IQUB: variants seen among roughly 807,000 people sequenced by gnomAD.
IQUB encodes IQ motif and ubiquitin-like domain-containing protein.
IQUB carries 86 observed loss-of-function variants against 86.4 expected under a neutral mutation model. That is an observed-to-expected ratio of 1.00 (90% CI 0.84 to 1.19). The LOEUF (loss-of-function observed/expected upper bound fraction) is 1.19. IQUB is among the 50% of genes most tolerant of loss of function. IQUB has a pLI of 0.00. For missense variants in IQUB, 946 were observed against 916.9 expected, an observed-to-expected ratio of 1.03 and a Z score of -0.41; for synonymous variants, 289 against 304.5, an observed-to-expected ratio of 0.95 and a Z score of 0.53.
At chr7:123,483,950 GTC>G (rs945269064) in intron 7 of IQUB, among the ~76,000 whole-genome samples, 2 of 151,974 alleles carry the variant, frequency 1.3e-5, no homozygotes, top group African/African-American at 4.8e-5. Context: ...TTTAAAATCA[GTC>G]TCTATGCATT....
intron 8 of IQUB, among the ~76,000 whole-genome samples, chr7:123,473,677 G>T (rs1022811470): frequency 6.6e-6 from 1 of 151,744 alleles, no homozygotes; most frequent in Non-Finnish European, 1.5e-5. Flanking sequence ...CCGGGTTCAA[G>T]TGATTCTCCT....
chr7:123,494,690 A>T (rs769997595), intron 7 of IQUB, among the ~76,000 whole-genome samples: 5 of 152,146 alleles, frequency 3.3e-5, no homozygotes, highest in Non-Finnish European at 2.9e-5. Flanking sequence ...AATAGCTCGC[A>T]TATGTATAGG....
chr7:123,503,006 C>A lies in IQUB; in HGVS notation c.805G>T (p.Gly269Ter). Residue 269 changes from glycine to a stop codon, truncating the protein, a stop_gained, in exon 5 of 13, where the codon GGA becomes TGA. Transcript: ENST00000324698. LOFTEE classifies it high-confidence loss of function. Reference protein sequence around the residue: ...KVTGVEYHNAGTQTVPKRIPE... With the variant: ...KVTGVEYHNA Reference sequence around the variant, plus strand: ...ATCCTTTTAGGTACAGTTTGTGTTCCAGCATTGTGATACTCTACTCCTGTT... The same window carrying A: ...ATCCTTTTAGGTACAGTTTGTGTTCAAGCATTGTGATACTCTACTCCTGTT... The A allele has an allele frequency of 6.2e-7, 1 of 1,612,938 alleles. No homozygotes were observed. Among genetic ancestry groups the A allele is most frequent in the Non-Finnish European group, 8.5e-7 (1 of 1,179,462 alleles).
At chr7:123,463,201 T>A (rs1794084584) in intron 10 of IQUB, among the ~76,000 whole-genome samples, 1 of 151,730 alleles carries the variant, frequency 6.6e-6, no homozygotes, top group African/African-American at 2.4e-5. Context: ...AAATGCAACA[T>A]GGTGCAGTCA....
intron 7 of IQUB, among the ~76,000 whole-genome samples, chr7:123,491,463 G>A (rs1409691388): frequency 6.6e-6 from 1 of 152,088 alleles, no homozygotes; most frequent in Admixed American, 6.6e-5. Flanking sequence ...AGGAAAAAAA[G>A]AAGGAAACAC....
In IQUB at chr7:123,482,017, G is replaced by A. The variant is rs1002805802; in HGVS notation, c.1235-2047C>T. On this transcript the variant is annotated intron_variant, in intron 7 of 12. Coordinates refer to ENST00000324698, the MANE Select transcript of IQUB (RefSeq NM_178827.5). Reference sequence around the variant, plus strand: ...GTGACACGAAAGGTGAAATTTAAACGGTTAGCAGATATGAACAAAAAAGAA... The same window carrying A: ...GTGACACGAAAGGTGAAATTTAAACAGTTAGCAGATATGAACAAAAAAGAA... 6.6e-5 allele frequency among the ~76,000 whole-genome samples: 10 copies of A among 151,560 alleles called. No individual in the cohort carries two copies. In the East Asian group the frequency reaches 1.6e-3, roughly 24 times the overall value.
rs185169799 is a variant in IQUB at position 123,533,412 on chromosome 7, T to C, written c.-5+1080A>G. On this transcript the variant is annotated intron_variant, in intron 1 of 12. Coordinates refer to ENST00000324698, the MANE Select transcript of IQUB (RefSeq NM_178827.5). The stretch of plus-strand genomic sequence containing the variant: ...TTACATCCTCATATTGTTTTATGAG[T>C]CCTAATAATTAAATATCCCTTTGTT... Among the ~76,000 whole-genome samples the C allele has an allele frequency of 6.0e-4, 92 of 152,238 alleles. 2 individuals carry two copies. In the East Asian group the frequency reaches 0.017, roughly 28 times the overall value.
chr7:123,530,785 T>A (rs1260675110), intron 1 of IQUB, among the ~76,000 whole-genome samples: 3 of 149,804 alleles, frequency 2.0e-5, no homozygotes, highest in Non-Finnish European at 4.4e-5. Context: ...CAAGCAATTC[T>A]CCTGCCTCAG....
chr7:123,497,082 ACTG>A (rs1395408766), intron 6 of IQUB, among the ~76,000 whole-genome samples, 176 bp from the exon 7 acceptor site: 1 of 152,184 alleles, frequency 6.6e-6, no homozygotes, highest in Non-Finnish European at 1.5e-5. Flanking sequence ...AATGCATGTG[ACTG>A]CTATTTGACT....
intron 6 of IQUB, among the ~76,000 whole-genome samples, chr7:123,499,525 A>AG (rs1795849289): frequency 6.6e-6 from 1 of 152,218 alleles, no homozygotes; most frequent in Non-Finnish European, 1.5e-5. Flanking sequence ...ACTCTCGGAA[A>AG]GGGTACATCA....
intron 7 of IQUB, among the ~76,000 whole-genome samples, chr7:123,483,924 A>C (rs1259147807): frequency 1.3e-5 from 2 of 152,098 alleles, no homozygotes; most frequent in African/African-American, 4.8e-5. Context: ...TCTTCTAATA[A>C]AAATTTCAGG....
chr7:123,488,637 G>C (rs1172960586), intron 7 of IQUB, among the ~76,000 whole-genome samples: 1 of 152,132 alleles, frequency 6.6e-6, no homozygotes, highest in Non-Finnish European at 1.5e-5. Flanking sequence ...AACTCAAAGA[G>C]TCTACCTTCA....
At chr7:123,494,341 T>A (rs1441952838) in intron 7 of IQUB, among the ~76,000 whole-genome samples, 2 of 152,134 alleles carry the variant, frequency 1.3e-5, no homozygotes, top group Non-Finnish European at 2.9e-5. Context: ...TTTCATATTA[T>A]GAATTATAGC....
At chr7:123,490,447 C>T (rs1196432146) in intron 7 of IQUB, among the ~76,000 whole-genome samples, 1 of 152,118 alleles carries the variant, frequency 6.6e-6, no homozygotes, top group East Asian at 1.9e-4. Context: ...CAATTACAGT[C>T]TGAGATTTCA....
chr7:123,514,586 T>C (rs1796561209), intron 1 of IQUB, among the ~76,000 whole-genome samples: 1 of 152,124 alleles, frequency 6.6e-6, no homozygotes, highest in Non-Finnish European at 1.5e-5. Flanking sequence ...CCTTACACTG[T>C]TTATAATTTG....
intron 8 of IQUB, among the ~76,000 whole-genome samples, chr7:123,478,890 G>A (rs1323896326): frequency 2.0e-5 from 3 of 152,088 alleles, no homozygotes; most frequent in Admixed American, 1.3e-4. Context: ...GAAATCCAAA[G>A]AGCAGTGACA....
chr7:123,528,419 A>AT (rs1713439156), intron 1 of IQUB, among the ~76,000 whole-genome samples: 1 of 152,232 alleles, frequency 6.6e-6, no homozygotes, highest in Non-Finnish European at 1.5e-5. Context: ...AGATGATATC[A>AT]TTATGCCCAT....
chr7:123,455,354 T>C (rs553458378), intron 12 of IQUB, among the ~76,000 whole-genome samples: 2 of 152,148 alleles, frequency 1.3e-5, no homozygotes, highest in Non-Finnish European at 2.9e-5. Context: ...AATTTTTGTA[T>C]CCTTAACAAA....
intron 5 of IQUB, 50 bp from the exon 6 acceptor site, chr7:123,502,802 T>A: frequency 7.0e-7 from 1 of 1,426,128 alleles, no homozygotes; most frequent in South Asian, 1.3e-5. Flanking sequence ...TATATATACA[T>A]AAGGGAGTTT....
Sources: gnomAD v4.1 joint callset for allele counts (sites outside exome capture counted in the v4.1 genomes callset) on GRCh38, gnomAD v4.1.1 for gene constraint, MANE v1.5 for transcripts, NCBI Gene and HGNC (gene_info 2026-07-23, HGNC 2026-07-21) for gene names.